Variants in FGFR2 observed in about 807,000 individuals in gnomAD.
The protein encoded by FGFR2 is fibroblast growth factor receptor 2, also known as BEK fibroblast growth factor receptor.
FGFR2 carries 19 observed loss-of-function variants against 95.9 expected under a neutral mutation model. The ratio of observed to expected loss-of-function variants is 0.20; its 90% CI spans 0.14 to 0.29. The LOEUF is 0.29. Ranked by LOEUF, FGFR2 falls within the 10% of genes least tolerant of loss-of-function variation. The probability of loss-of-function intolerance (pLI) is 1.00; values close to 1 mark genes in which losing one functional copy is unlikely to be tolerated. For missense variants in FGFR2, 707 were observed against 1,056.9 expected, an observed-to-expected ratio of 0.67 and a Z score of 4.59; for synonymous variants, 392 against 393.3, an observed-to-expected ratio of 1.00 and a Z score of 0.04.
intron 6 of FGFR2, among the ~76,000 whole-genome samples, chr10:121,533,580 G>A (rs968814036): frequency 3.3e-5 from 5 of 152,208 alleles, no homozygotes; most frequent in African/African-American, 1.2e-4. Context: ...AAGCCAAATC[G>A]TCTACATGAG....
At chr10:121,538,545 A>G in intron 6 of FGFR2, 47 bp downstream of exon 6, 1 of 1,614,094 alleles carries the variant, frequency 6.2e-7, no homozygotes. Context: ...CGAGTCAAGC[A>G]AGAATGGGCT....
rs938568977 is a variant in FGFR2 at position 121,596,193 on chromosome 10, A to G, written c.-151+1769T>C. ...ACTCTCTTCTCAGCCTGCACGCGGG[A>G]GGAGTTGTCACCCTCCCTCTGATGG... On this transcript the variant is annotated intron_variant, in intron 1 of 17. Transcript: ENST00000358487. 1.2e-4 allele frequency among the ~76,000 whole-genome samples: 19 copies of G among 152,146 alleles called. No homozygotes were observed. The East Asian group carries it at 3.5e-3, about 28-fold the overall frequency.
At chr10:121,564,387 G>A (rs904326667) in intron 4 of FGFR2, 115 bp downstream of exon 4, 13 of 972,188 alleles carry the variant, frequency 1.3e-5, no homozygotes, top group Non-Finnish European at 2.1e-5. Flanking sequence ...GCGGGGAAAG[G>A]CAAGGGCCGC....
intron 6 of FGFR2, among the ~76,000 whole-genome samples, chr10:121,523,860 T>C (rs976842066): frequency 1.3e-5 from 2 of 152,218 alleles, no homozygotes; most frequent in African/African-American, 4.8e-5. Flanking sequence ...CATATTTGTT[T>C]CTAATAAATC....
chr10:121,575,168 G>C (rs961370232), intron 2 of FGFR2, among the ~76,000 whole-genome samples: 1 of 152,188 alleles, frequency 6.6e-6, no homozygotes, highest in African/African-American at 2.4e-5. Flanking sequence ...GTCTGCCTTT[G>C]AGAAACATGC....
Position 121,520,281 on chromosome 10 carries a change from C to T in FGFR2, c.749-112G>A, listed in dbSNP as rs2071616. 0.29 allele frequency: 330,772 copies of T among 1,131,798 alleles called. 51,472 individuals are homozygous for T. The highest frequency in any genetic ancestry group is 0.32 in the Non-Finnish European group (258,481 of 814,714). 70.1% of individuals were successfully genotyped at this position (1,131,798 alleles called of 1,614,324 possible). ...GACCTCATGCCAGAAAAGCCTCAAG[C>T]CTGCTGGCTGACACCTTTGAAATAA... On this transcript the variant is annotated intron_variant, in intron 6 of 17. Transcript: ENST00000358487.
At position 121,512,826 on chromosome 10, in the gene FGFR2, G is replaced by A. The variant is rs373931695; in HGVS notation, c.1287+2291C>T. On this transcript the variant is annotated intron_variant, in intron 9 of 17. Coordinates refer to ENST00000358487, the MANE Select transcript of FGFR2 (RefSeq NM_000141.5). ...GGAAGGAACTCTGATGTTCCCTCTGGTAACACAGGGAAGAGAGGAAAAAGG... is the reference window on the plus strand; with the variant it reads ...GGAAGGAACTCTGATGTTCCCTCTGATAACACAGGGAAGAGAGGAAAAAGG... 1.8e-4 allele frequency among the ~76,000 whole-genome samples: 28 copies of A among 152,164 alleles called. 3 individuals carry two copies. The highest frequency in any genetic ancestry group is 1.5e-3 in the East Asian group (8 of 5,194).
chr10:121,570,203 G>T (rs964071424), intron 2 of FGFR2, among the ~76,000 whole-genome samples: 1 of 152,240 alleles, frequency 6.6e-6, no homozygotes, highest in South Asian at 2.1e-4. Flanking sequence ...GTGTCCTTGG[G>T]TCCATTTGCC....
At chr10:121,575,179 TG>T (rs1224625909) in intron 2 of FGFR2, among the ~76,000 whole-genome samples, 1 of 152,218 alleles carries the variant, frequency 6.6e-6, no homozygotes, top group African/African-American at 2.4e-5. Context: ...AGAAACATGC[TG>T]GATGGCTCTT....
chr10:121,577,174 T>TAGAGAG (rs1426070759), intron 2 of FGFR2, among the ~76,000 whole-genome samples: 57 of 4,794 alleles, frequency 0.012, no homozygotes, highest in South Asian at 0.018. Context: ...TATATATATA[T>TAGAGAG]ATATAGAGAG....
At chr10:121,513,461 A>C (rs11819176) in intron 9 of FGFR2, among the ~76,000 whole-genome samples, 325 of 152,296 alleles carry the variant, frequency 2.1e-3, no homozygotes, top group African/African-American at 7.3e-3. Context: ...GTAAAAAGAA[A>C]AGCATTTTAA....
chr10:121,566,378 G>A (rs1218590166), intron 2 of FGFR2, among the ~76,000 whole-genome samples: 4 of 152,174 alleles, frequency 2.6e-5, no homozygotes, highest in Non-Finnish European at 4.4e-5. Context: ...AAAACAAAAA[G>A]AGCAAAATGC....
At chr10:121,587,400 T>G (rs1861993340) in intron 2 of FGFR2, among the ~76,000 whole-genome samples, 3 of 152,094 alleles carry the variant, frequency 2.0e-5, no homozygotes, top group Non-Finnish European at 4.4e-5. Flanking sequence ...AAGCAAAAAT[T>G]GACAAATGGG....
chr10:121,498,610 GAAC>G lies in FGFR2; in HGVS notation c.1562-8_1562-6del, dbSNP rs753739297. The G allele has an allele frequency of 1.5e-5, 24 of 1,612,590 alleles. No individual in the cohort carries two copies. The African/African-American group carries it at 2.4e-4, about 16-fold the overall frequency. ...GGTCTTTCTCTGTGGCATCATCTAT[GAAC>G]AGTAGGCATATTCACAAATCAGTTC... On this transcript the variant is annotated splice_region_variant and splice_polypyrimidine_tract_variant and intron_variant, in intron 11 of 17. Coordinates refer to ENST00000358487, the MANE Select transcript of FGFR2 (RefSeq NM_000141.5).
chr10:121,533,417 A>G (rs530627109), intron 6 of FGFR2, among the ~76,000 whole-genome samples: 8 of 152,180 alleles, frequency 5.3e-5, no homozygotes, highest in Non-Finnish European at 1.0e-4. Context: ...GAGAGAAGAC[A>G]TATCTGGCCT....
At position 121,510,061 on chromosome 10, in the gene FGFR2, C is replaced by T. The variant is rs1564900327; in HGVS notation, c.1287+5056G>A. Among the ~76,000 whole-genome samples the T allele has an allele frequency of 2.0e-5, 3 of 152,214 alleles. No individual in the cohort carries two copies. The South Asian group carries it at 6.2e-4, about 32-fold the overall frequency. Reference sequence around the variant, plus strand: ...TGCCCACCACTCCCCTATGGCCAAACAAAATGCTTTCACCACCGCAAGCTG... The same window carrying T: ...TGCCCACCACTCCCCTATGGCCAAATAAAATGCTTTCACCACCGCAAGCTG... On this transcript the variant is annotated intron_variant, in intron 9 of 17. Transcript: ENST00000358487.
chr10:121,492,547 C>T (rs1317708010), intron 13 of FGFR2, among the ~76,000 whole-genome samples: 1 of 152,194 alleles, frequency 6.6e-6, no homozygotes, highest in Non-Finnish European at 1.5e-5. Flanking sequence ...TCTTTTGCCC[C>T]TTCCTTCAGG....
intron 9 of FGFR2, among the ~76,000 whole-genome samples, chr10:121,509,311 C>T (rs1848710374): frequency 6.6e-6 from 1 of 151,818 alleles, no homozygotes; most frequent in African/African-American, 2.4e-5. Context: ...ACTCCAATTC[C>T]ATTTCCTCAC....
intron 6 of FGFR2, among the ~76,000 whole-genome samples, chr10:121,533,229 A>AAT (rs1406057550): frequency 6.6e-6 from 1 of 152,180 alleles, no homozygotes; most frequent in Non-Finnish European, 1.5e-5. Flanking sequence ...TCTCTACTAA[A>AAT]AACTACAAAA....
Sources: allele counts gnomAD v4.1 joint callset (sites outside exome capture counted in the v4.1 genomes callset), GRCh38; gene constraint gnomAD v4.1.1; transcripts MANE v1.5; gene names NCBI Gene and HGNC (gene_info 2026-07-23, HGNC 2026-07-21).